PCDH7: variants seen among roughly 807,000 people sequenced by gnomAD.
PCDH7 encodes protocadherin 7.
In PCDH7, 17 loss-of-function variants were observed where a neutral mutation model predicts 58.9. The ratio of observed to expected loss-of-function variants is 0.29; its 90% confidence interval spans 0.20 to 0.43. The LOEUF is 0.43. Ranked by LOEUF, PCDH7 falls within the 20% of genes least tolerant of loss-of-function variation. PCDH7 has a pLI of 1.00. For missense variants in PCDH7, 1,274 were observed against 1,441.0 expected (o/e 0.88, Z 1.88); for synonymous variants, 664 against 616.4 (o/e 1.08, Z -1.14).
intron 3 of PCDH7, among the ~76,000 whole-genome samples, chr4:31,050,494 CAG>C (rs1297323404): frequency 6.6e-6 from 1 of 152,084 alleles, no homozygotes; most frequent in Admixed American, 6.6e-5. Context: ...GTCCTCTGTT[CAG>C]AGACTTTTCG....
intron 2 of PCDH7, among the ~76,000 whole-genome samples, chr4:30,928,121 A>G (rs1410272918): frequency 1.3e-5 from 2 of 152,096 alleles, no homozygotes; most frequent in South Asian, 4.1e-4. Context: ...GATTACAGTC[A>G]TGCACCTGTT....
intron 3 of PCDH7, among the ~76,000 whole-genome samples, chr4:31,065,241 T>C (rs1757985001): frequency 6.6e-6 from 1 of 151,962 alleles, no homozygotes; most frequent in Non-Finnish European, 1.5e-5. Context: ...GTGTGGCAGC[T>C]TCAGTCTAGT....
chr4:30,766,164 G>A (rs1301559261), intron 1 of PCDH7, among the ~76,000 whole-genome samples: 1 of 151,682 alleles, frequency 6.6e-6, no homozygotes, highest in Non-Finnish European at 1.5e-5. Flanking sequence ...ATTGCAAAAT[G>A]TCACTGTGTT....
At chr4:31,044,720 C>T (rs1756147377) in intron 3 of PCDH7, among the ~76,000 whole-genome samples, 1 of 151,964 alleles carries the variant, frequency 6.6e-6, no homozygotes, top group Non-Finnish European at 1.5e-5. Context: ...GGTGTTTTAA[C>T]AAACAATAAC....
chr4:30,973,067 C>T (rs1190470143), intron 3 of PCDH7, among the ~76,000 whole-genome samples: 1 of 152,118 alleles, frequency 6.6e-6, no homozygotes, highest in African/African-American at 2.4e-5. Flanking sequence ...GACATACAGT[C>T]ACAAATTCCC....
intron 1 of PCDH7, among the ~76,000 whole-genome samples, chr4:30,876,611 T>G (rs1361242825): frequency 6.6e-6 from 1 of 152,008 alleles, no homozygotes; most frequent in Non-Finnish European, 1.5e-5. Flanking sequence ...TAAAAATACT[T>G]TAGACCTCAG....
intron 1 of PCDH7, among the ~76,000 whole-genome samples, chr4:30,888,140 C>G (rs1738096972): frequency 1.3e-5 from 2 of 152,096 alleles, no homozygotes; most frequent in Admixed American, 1.3e-4. Flanking sequence ...TCCCAAAGTT[C>G]TAGGATTACA....
chr4:30,824,416 C>T (rs767856323), intron 1 of PCDH7, among the ~76,000 whole-genome samples: 13 of 151,944 alleles, frequency 8.6e-5, no homozygotes, highest in Non-Finnish European at 1.6e-4. Flanking sequence ...CATTATTTTC[C>T]TTTAAAAATG....
chr4:30,781,970 C>T (rs1279643130), intron 1 of PCDH7, among the ~76,000 whole-genome samples: 1 of 152,182 alleles, frequency 6.6e-6, no homozygotes, highest in Non-Finnish European at 1.5e-5. Context: ...TGGGTATAGA[C>T]TTCCCTTTCT....
chr4:30,776,892 GGAGA>G lies in PCDH7; in HGVS notation c.70+52302_70+52305del, dbSNP rs536698367. Among the ~76,000 whole-genome samples the G allele has an allele frequency of 3.6e-3, 536 of 148,466 alleles. 5 individuals carry two copies. Among genetic ancestry groups the G allele is most frequent in the African/African-American group, 0.012 (499 of 40,098 alleles). On this transcript the variant is annotated intron_variant, in intron 1 of 3. Transcript: ENST00000509759. ...GTGTGTGTGTGTGTGTGTGTAAGTG[GGAGA>G]GAGAGTTTCAGTTAAGAACTTAAGG...
intron 3 of PCDH7, among the ~76,000 whole-genome samples, chr4:31,056,458 GAAGAAAGAAAGA>G (rs1553932367): frequency 1.3e-3 from 112 of 83,222 alleles, no homozygotes; most frequent in Admixed American, 3.0e-3. Flanking sequence ...AAGAAAGAAA[GAAGAAAGAAAGA>G]AAGAAAGAAA....
chr4:30,928,672 T>C (rs1330711964), intron 2 of PCDH7, among the ~76,000 whole-genome samples: 1 of 152,134 alleles, frequency 6.6e-6, no homozygotes, highest in African/African-American at 2.4e-5. Context: ...AAGAAACAAT[T>C]ATAGACGCAA....
chr4:30,772,117 G>A (rs896747139), intron 1 of PCDH7, among the ~76,000 whole-genome samples: 2 of 152,064 alleles, frequency 1.3e-5, no homozygotes, highest in African/African-American at 2.4e-5. Context: ...TGATCCGCCC[G>A]CCTAAGACTC....
At chr4:30,914,105 C>T (rs1244794949) in intron 1 of PCDH7, among the ~76,000 whole-genome samples, 2 of 152,256 alleles carry the variant, frequency 1.3e-5, no homozygotes, top group East Asian at 1.9e-4. Context: ...TCCCTTAACA[C>T]TTTTGCCTAC....
At chr4:31,064,334 C>A (rs146648489) in intron 3 of PCDH7, among the ~76,000 whole-genome samples, 2 of 151,952 alleles carry the variant, frequency 1.3e-5, no homozygotes, top group East Asian at 3.9e-4. Context: ...CATGTCCATG[C>A]GTTGTCATTG....
intron 3 of PCDH7, among the ~76,000 whole-genome samples, chr4:31,067,176 C>G (rs56854499): frequency 0.24 from 36,038 of 151,776 alleles, 4,532 homozygotes; most frequent in South Asian, 0.33. Context: ...AATACAGATA[C>G]CTTAGGTCCA....
intron 3 of PCDH7, among the ~76,000 whole-genome samples, chr4:31,012,353 C>T (rs1250330063): frequency 7.2e-6 from 1 of 139,204 alleles, no homozygotes; most frequent in Admixed American, 7.1e-5. Flanking sequence ...CTGAATTTAT[C>T]CTCTGACTAC....
intron 1 of PCDH7, among the ~76,000 whole-genome samples, chr4:30,853,593 T>A (rs967323105): frequency 6.6e-6 from 1 of 152,072 alleles, no homozygotes; most frequent in African/African-American, 2.4e-5. Context: ...ATCAAACATG[T>A]TAGGGTATCA....
intron 1 of PCDH7, among the ~76,000 whole-genome samples, chr4:30,740,228 G>T (rs534989178): frequency 3.3e-5 from 5 of 152,288 alleles, no homozygotes; most frequent in African/African-American, 1.2e-4. Flanking sequence ...AACTAGTTCT[G>T]TGAGAATGGA....
Sources: allele counts gnomAD v4.1 joint callset (sites outside exome capture counted in the v4.1 genomes callset), GRCh38; gene constraint gnomAD v4.1.1; transcripts MANE v1.5; gene names NCBI Gene and HGNC (gene_info 2026-07-23, HGNC 2026-07-21).